The following NIBAN2 variants were observed in gnomAD, a reference collection of about 807,000 sequenced individuals.
NIBAN2 encodes niban apoptosis regulator 2, also known as protein Niban 2.
Under a neutral mutation model 81.8 loss-of-function variants are expected in NIBAN2, and 36 were observed. That is an observed-to-expected ratio of 0.44 (90% confidence interval 0.34 to 0.58). NIBAN2 has a LOEUF of 0.58. NIBAN2 is among the 20% of genes least tolerant of loss of function. The probability of loss-of-function intolerance (pLI) is 0.02; values close to 1 mark genes in which losing one functional copy is unlikely to be tolerated. For missense variants in NIBAN2, 897 were observed against 1,014.1 expected (o/e 0.88, Z 1.57); for synonymous variants, 445 against 441.6 (o/e 1.01, Z -0.10).
intron 5 of NIBAN2, among the ~76,000 whole-genome samples, chr9:127,521,008 A>T (rs1349640007): frequency 2.6e-5 from 4 of 152,234 alleles, no homozygotes; most frequent in Non-Finnish European, 5.9e-5. Flanking sequence ...GCCACCAGCC[A>T]AGGAGAGAGG....
chr9:127,578,993 C>T, upstream of NIBAN2: 1 of 1,496,100 alleles, frequency 6.7e-7, no homozygotes, highest in Non-Finnish European at 9.2e-7. Flanking sequence ...GTTCCTGACT[C>T]CTAGCACGTC....
rs778518147 is a variant in NIBAN2, at chr9:127,507,007, C to T, written c.2079G>A (p.Pro693=). The T allele has an allele frequency of 1.8e-5, 28 of 1,593,252 alleles. No homozygotes were observed. The South Asian group carries it at 1.8e-4, about 10-fold the overall frequency. The change falls in exon 14 of 14, where the codon CCG becomes CCA. Residue 693 remains proline (P), a synonymous_variant. Transcript: ENST00000373312. The surrounding 1 kb of genome is among the most constrained non-coding windows in gnomAD (Gnocchi z 6.8). ...GGAGATGCTGGAGGGGTGAGGCAGG[C>T]GGCGAGGAGGCCTCGGGGGCGGCCT... ...QPKAAPEASS[P]PASPLQHLLP...
chr9:127,554,441 C>T (rs892030259), intron 1 of NIBAN2, among the ~76,000 whole-genome samples: 1 of 152,214 alleles, frequency 6.6e-6, no homozygotes, highest in African/African-American at 2.4e-5. Flanking sequence ...CTTGCAACCC[C>T]CTTGGGGCTC....
chr9:127,536,887 G>A lies in NIBAN2; in HGVS notation c.56-5109C>T, dbSNP rs150604296. Among the ~76,000 whole-genome samples the A allele has an allele frequency of 6.6e-3, 1,008 of 152,340 alleles. 8 individuals carry two copies. The highest frequency in any genetic ancestry group is 0.023 in the African/African-American group (961 of 41,580). On this transcript the variant is annotated intron_variant, in intron 1 of 13. Transcript: ENST00000373312. The surrounding 1 kb of genome is among the most constrained non-coding windows in gnomAD (Gnocchi z 4.0). ...GAAACTGGCTGTGCCCCCATCTACA[G>A]AGGCAGGGCTGGCCCGCAGGTCCTG...
intron 1 of NIBAN2, among the ~76,000 whole-genome samples, chr9:127,576,247 C>G (rs923339562): frequency 4.6e-5 from 7 of 152,050 alleles, no homozygotes; most frequent in Non-Finnish European, 8.8e-5. Context: ...CTGAAACACT[C>G]ATGCCTGCAG....
At chr9:127,527,116 TA>T in intron 3 of NIBAN2, 77 bp downstream of exon 3, 1 of 1,574,950 alleles carries the variant, frequency 6.3e-7, no homozygotes, top group Non-Finnish European at 8.6e-7. Flanking sequence ...GTCTGGGGCC[TA>T]AGTTTCCGAG....
intron 2 of NIBAN2, 102 bp from the exon 3 acceptor site, chr9:127,527,424 G>T: frequency 8.7e-7 from 1 of 1,145,774 alleles, no homozygotes; most frequent in Non-Finnish European, 1.3e-6. Context: ...CGCACCCCCT[G>T]CCTAGCATGT....
intron 1 of NIBAN2, among the ~76,000 whole-genome samples, chr9:127,546,024 G>A (rs1048045174): frequency 3.3e-5 from 5 of 152,254 alleles, no homozygotes; most frequent in Middle Eastern, 6.8e-3. Flanking sequence ...CCCCAGCAGC[G>A]TCACCACCCA....
intron 5 of NIBAN2, among the ~76,000 whole-genome samples, chr9:127,522,915 T>C (rs1167271105): frequency 6.6e-6 from 1 of 151,806 alleles, no homozygotes; most frequent in South Asian, 2.1e-4. Context: ...CTGTGAGCCA[T>C]CGTGCTGGCA....
chr9:127,527,258 T>C lies in NIBAN2; in HGVS notation c.251A>G (p.Lys84Arg), dbSNP rs775976278. 3 of 1,613,904 alleles carry C rather than the reference T, an allele frequency of 1.9e-6. No individual in the cohort carries two copies. Among genetic ancestry groups the C allele is most frequent in the African/African-American group, 2.7e-5 (2 of 74,876 alleles). Reference sequence around the variant, plus strand: ...CACGAGGCTGAAGCGGTTTCTCCACTTCTTGCTGTCCTCCTGGTGCTGGAA... The same window carrying C: ...CACGAGGCTGAAGCGGTTTCTCCACCTCTTGCTGTCCTCCTGGTGCTGGAA... Reference protein sequence around the residue: ...NLFQHQEDSKKWRNRFSLVPH... With the variant: ...NLFQHQEDSKRWRNRFSLVPH... Residue 84 changes from lysine to arginine, a missense_variant, in exon 3 of 14, where the codon AAG becomes AGG. Lys to Arg is a conservative substitution (Grantham distance 26). Coordinates refer to ENST00000373312, the MANE Select transcript of NIBAN2 (RefSeq NM_022833.4).
upstream of NIBAN2, among the ~76,000 whole-genome samples, chr9:127,573,811 C>A (rs961956393): frequency 2.6e-5 from 4 of 152,140 alleles, no homozygotes; most frequent in Non-Finnish European, 5.9e-5. Flanking sequence ...GCACCTGCCA[C>A]CACGCCTGGC....
chr9:127,512,306 G>A (rs894728482), intron 8 of NIBAN2, among the ~76,000 whole-genome samples: 1 of 123,706 alleles, frequency 8.1e-6, no homozygotes, highest in Non-Finnish European at 1.7e-5. Flanking sequence ...TTTTTTTTGA[G>A]ACAGGGTCTC....
rs1372223884 is a variant in NIBAN2 at position 127,508,507 on chromosome 9, G to T, written c.1349C>A (p.Thr450Asn). ...CTTCCCCAGCTCCTGGTGCAGGAGG[G>T]TCTCGAACGTATACACGGCATTGTC... is the stretch of plus-strand genomic sequence containing the variant. ...QMDNAVYTFE[T>N]LLHQELGKGP... Residue 450 changes from threonine to asparagine, a missense_variant, in exon 11 of 14, where the codon ACC becomes AAC. By Grantham distance (65) the Thr-to-Asn change is moderately conservative (BLOSUM62 0). This residue lies in a region of NIBAN2 where 619 missense variants were observed against 691.0 expected (regional missense o/e 0.90). Coordinates refer to ENST00000373312, the MANE Select transcript of NIBAN2 (RefSeq NM_022833.4). This position sits in a 1 kb window ranked among gnomAD's most constrained non-coding sequence, Gnocchi z 6.4. 9 of 1,613,808 alleles carry T rather than the reference G, an allele frequency of 5.6e-6. No homozygotes were observed. Among genetic ancestry groups the T allele is most frequent in the Non-Finnish European group, 5.9e-6 (7 of 1,179,968 alleles).
chr9:127,520,227 G>A (rs1836910791), intron 5 of NIBAN2, among the ~76,000 whole-genome samples: 1 of 118,338 alleles, frequency 8.5e-6, no homozygotes, highest in African/African-American at 3.1e-5. Context: ...TGGACCCAGG[G>A]TCTTTTTTTT....
Position 127,517,131 on chromosome 9 carries a change from C to T in NIBAN2, c.791G>A (p.Arg264Gln), listed in dbSNP as rs760610518. 3.7e-5 allele frequency: 60 copies of T among 1,613,702 alleles called. No homozygotes were observed. The highest frequency in any genetic ancestry group is 1.7e-4 in the Admixed American group (10 of 59,974). The change falls in exon 7 of 14, where the codon CGG becomes CAG. Residue 264 changes from arginine (R) to glutamine (Q), a missense_variant. Coordinates refer to ENST00000373312, the MANE Select transcript of NIBAN2 (RefSeq NM_022833.4). The surrounding 1 kb of genome is among the most constrained non-coding windows in gnomAD (Gnocchi z 4.0). ...GPRLKGKPQE[R>Q]QRQWIQISDA... is the part of the protein sequence containing the mutation. ...ACCCACCTGGATCCACTGCCGCTGC[C>T]GCTCCTGCGGTTTCCCCTTCAGCCG...
rs1390348951 is a variant in NIBAN2 at position 127,523,677 on chromosome 9, A to G, written c.589+2T>C. 1 of 1,606,792 alleles carries G rather than the reference A, an allele frequency of 6.2e-7. No individual in the cohort carries two copies. Among genetic ancestry groups the G allele is most frequent in the Non-Finnish European group, 8.5e-7 (1 of 1,174,426 alleles). ...CCGACCCTGCACCCACAGGCCACTCACCATTGTTGCAGTGCCGGATGCAGT... is the reference window on the plus strand; with the variant it reads ...CCGACCCTGCACCCACAGGCCACTCGCCATTGTTGCAGTGCCGGATGCAGT... On this transcript the variant is annotated splice_donor_variant, in intron 5 of 13. Coordinates refer to ENST00000373312, the MANE Select transcript of NIBAN2 (RefSeq NM_022833.4). LOFTEE classifies it high-confidence loss of function.
chr9:127,533,643 A>G (rs1392467167), intron 1 of NIBAN2, among the ~76,000 whole-genome samples: 12 of 152,024 alleles, frequency 7.9e-5, no homozygotes, highest in Non-Finnish European at 1.8e-4. Context: ...CAACACACAC[A>G]TAACAAAACC....
rs1175220571 is a variant in NIBAN2 at position 127,508,191 on chromosome 9, A to T, written c.1444T>A (p.Tyr482Asn). The change falls in exon 12 of 14, where the codon TAC becomes AAC. Residue 482 changes from tyrosine to asparagine, a missense_variant. Physicochemically the swap from Tyr to Asn is moderately radical, Grantham distance 143 (BLOSUM62 -2). Transcript: ENST00000373312. This position sits in a 1 kb window ranked among gnomAD's most constrained non-coding sequence, Gnocchi z 6.4. Reference sequence around the variant, plus strand: ...CTCTTCCGCACAGAGCTGCTGTCGTAGTCGTATTTCTGCAGGGAACAAGGG... The same window carrying T: ...CTCTTCCGCACAGAGCTGCTGTCGTTGTCGTATTTCTGCAGGGAACAAGGG... ...VLERVLKKYDYDSSSVRKRFF... is the reference protein window; with the variant it reads ...VLERVLKKYDNDSSSVRKRFF... The T allele has an allele frequency of 6.2e-7, 1 of 1,613,140 alleles. No individual in the cohort carries two copies. The highest frequency in any genetic ancestry group is 8.5e-7 in the Non-Finnish European group (1 of 1,179,714).
intron 5 of NIBAN2, among the ~76,000 whole-genome samples, chr9:127,522,284 G>C (rs1836958918): frequency 6.6e-6 from 1 of 152,156 alleles, no homozygotes; most frequent in Non-Finnish European, 1.5e-5. Context: ...GAGCAGGAGG[G>C]GTGGGGTGAG....
Sources: allele counts gnomAD v4.1 joint callset (sites outside exome capture counted in the v4.1 genomes callset), GRCh38; gene constraint gnomAD v4.1.1; regional missense constraint gnomAD v4.1.1; non-coding constraint Gnocchi (gnomAD v3.1); transcripts MANE v1.5; gene names NCBI Gene and HGNC (gene_info 2026-07-23, HGNC 2026-07-21).